Variants in PSMA6 observed in about 807,000 individuals in gnomAD.
The protein encoded by PSMA6 is proteasome 20S subunit alpha 6, also known as proteasome subunit alpha type-6.
For synonymous variants in PSMA6, 88 were observed against 97.7 expected (o/e 0.90, Z 0.59); for missense variants, 170 against 294.8 (o/e 0.58, Z 3.10).
chr14:35,312,783 A>G (rs1414636548), intron 4 of PSMA6, 98 bp from the exon 5 acceptor site: 2 of 1,139,660 alleles, frequency 1.8e-6, no homozygotes, highest in East Asian at 2.8e-5. Context: ...ATTGATGGCC[A>G]AAGTCATGAT....
At chr14:35,302,935 G>A (rs951501040) in intron 1 of PSMA6, among the ~76,000 whole-genome samples, 1 of 152,076 alleles carries the variant, frequency 6.6e-6, no homozygotes, top group African/African-American at 2.4e-5. Flanking sequence ...ATTGAGCATA[G>A]TTATAATGGT....
At chr14:35,278,834 TTGC>T in intron 1 of PSMA6, 1 of 1,247,472 alleles carries the variant, frequency 8.0e-7, no homozygotes, top group African/African-American at 1.5e-5. Context: ...GAATCCCAAG[TTGC>T]TTTTTTTTCT....
At chr14:35,303,978 T>C (rs1186610247) in intron 1 of PSMA6, among the ~76,000 whole-genome samples, 1 of 151,896 alleles carries the variant, frequency 6.6e-6, no homozygotes, top group Non-Finnish European at 1.5e-5. Flanking sequence ...AGATAATTTC[T>C]TTCTTTTTTT....
chr14:35,288,451 T>C (rs980005891), upstream of PSMA6, among the ~76,000 whole-genome samples: 1 of 152,138 alleles, frequency 6.6e-6, no homozygotes, highest in African/African-American at 2.4e-5. Context: ...TGAGCCGAGA[T>C]CGTGCCACTG....
In PSMA6 at chr14:35,297,119, G is replaced by GTTTT. The variant is rs924383407; in HGVS notation, c.76+4591_76+4594dup. Among the ~76,000 whole-genome samples the GTTTT allele has an allele frequency of 9.4e-4, 59 of 62,662 alleles. 1 individual carries two copies. The highest frequency in any genetic ancestry group is 1.4e-3 in the South Asian group (2 of 1,408). 41.1% of individuals were successfully genotyped at this position (62,662 alleles called of 152,430 possible). A position where few individuals can be genotyped will look rare whatever the true frequency, so the allele number is the denominator to read the frequency against. ...GTAGCTTCAAAAAAATCTTAACAAA[G>GTTTT]TTTTTTTTTTTTTTTTTTTTTTTTT... On this transcript the variant is annotated intron_variant, in intron 1 of 6. Coordinates refer to ENST00000261479, the MANE Select transcript of PSMA6 (RefSeq NM_002791.3).
intron 1 of PSMA6, among the ~76,000 whole-genome samples, chr14:35,303,018 A>G (rs1396978672): frequency 6.6e-6 from 1 of 152,172 alleles, no homozygotes; most frequent in Non-Finnish European, 1.5e-5. Flanking sequence ...ATTAAACACA[A>G]TATTCCTGGT....
chr14:35,297,632 T>TA (rs1466973719), intron 1 of PSMA6, among the ~76,000 whole-genome samples: 1 of 152,152 alleles, frequency 6.6e-6, no homozygotes, highest in African/African-American at 2.4e-5. Flanking sequence ...TAAACAAAAT[T>TA]ATGGGTGGAA....
At chr14:35,281,768 T>A (rs945482897) in intron 1 of PSMA6, among the ~76,000 whole-genome samples, 1 of 152,220 alleles carries the variant, frequency 6.6e-6, no homozygotes, top group Non-Finnish European at 1.5e-5. Context: ...AAAGAAATTT[T>A]TTTTTAAATT....
chr14:35,309,985 A>T (rs2051909687), intron 3 of PSMA6, among the ~76,000 whole-genome samples: 1 of 151,790 alleles, frequency 6.6e-6, no homozygotes, highest in South Asian at 2.1e-4. Flanking sequence ...AAGAAAAAAA[A>T]ATTAGCTGGT....
At chr14:35,313,116 T>A (rs1350850625) in intron 5 of PSMA6, 57 bp downstream of exon 5, 3 of 1,413,548 alleles carry the variant, frequency 2.1e-6, no homozygotes, top group Non-Finnish European at 2.8e-6. Context: ...GTGAGGATCT[T>A]TGTATAATTT....
chr14:35,317,181 C>A, intron 6 of PSMA6, 68 bp from the exon 7 acceptor site: 1 of 1,206,820 alleles, frequency 8.3e-7, no homozygotes, highest in Non-Finnish European at 1.2e-6. Context: ...ATTATACTAT[C>A]CCACTTTTAC....
chr14:35,281,550 C>T (rs1220573527), intron 1 of PSMA6, among the ~76,000 whole-genome samples: 1 of 152,118 alleles, frequency 6.6e-6, no homozygotes, highest in Non-Finnish European at 1.5e-5. Context: ...GAAGTAAGGG[C>T]CTCAGTGAGC....
intron 1 of PSMA6, among the ~76,000 whole-genome samples, chr14:35,306,960 A>G (rs1259620913): frequency 1.3e-5 from 2 of 152,126 alleles, no homozygotes; most frequent in Non-Finnish European, 2.9e-5. Context: ...CAGCCTGGCC[A>G]ACGTGGTGAA....
At chr14:35,279,053 G>T (rs1277925709) in intron 1 of PSMA6, among the ~76,000 whole-genome samples, 3 of 136,894 alleles carry the variant, frequency 2.2e-5, no homozygotes, top group South Asian at 2.4e-4. Flanking sequence ...ATTCTTTTTT[G>T]TGTGTGTGTT....
intron 1 of PSMA6, among the ~76,000 whole-genome samples, chr14:35,299,865 G>A (rs2051677560): frequency 6.6e-6 from 1 of 152,110 alleles, no homozygotes; most frequent in Non-Finnish European, 1.5e-5. Flanking sequence ...AGCTTGATGA[G>A]TACTAAATAG....
intron 1 of PSMA6, among the ~76,000 whole-genome samples, chr14:35,300,321 A>G (rs1046710800): frequency 2.0e-5 from 3 of 152,050 alleles, no homozygotes; most frequent in African/African-American, 7.2e-5. Context: ...ATATAAAATG[A>G]AATTAGCCAG....
chr14:35,290,146 G>A (rs1364634787), upstream of PSMA6, among the ~76,000 whole-genome samples: 1 of 152,076 alleles, frequency 6.6e-6, no homozygotes, highest in Non-Finnish European at 1.5e-5. Context: ...TATCCCATTG[G>A]CAATTAGAGA....
At chr14:35,292,919 A>G (rs1451825747) in intron 1 of PSMA6, 3 of 480,522 alleles carry the variant, frequency 6.2e-6, no homozygotes, top group Non-Finnish European at 1.2e-5. Context: ...CGTCTCAACT[A>G]AAATGCCTCC....
rs750331758 is a variant in PSMA6, at chr14:35,312,950, A to G, written c.479A>G (p.Tyr160Cys). The G allele has an allele frequency of 6.3e-7, 1 of 1,592,942 alleles. No homozygotes were observed. Among genetic ancestry groups the G allele is most frequent in the Non-Finnish European group, 8.5e-7 (1 of 1,172,898 alleles). The change falls in exon 5 of 7, where the codon TAC (tyrosine) becomes TGC (cysteine). Residue 160 changes from tyrosine to cysteine, a missense_variant. By Grantham distance (194) the Tyr-to-Cys change is radical (BLOSUM62 -2). Coordinates refer to ENST00000261479, the MANE Select transcript of PSMA6 (RefSeq NM_002791.3). ...QVYKCDPAGY[Y>C]CGFKATAAGV... The stretch of plus-strand genomic sequence containing the variant: ...TATAAGTGTGATCCTGCAGGTTACT[A>G]CTGTGGGTTTAAAGCCACTGCAGCG...
Sources: gnomAD v4.1 joint callset for allele counts (sites outside exome capture counted in the v4.1 genomes callset) on GRCh38, gnomAD v4.1.1 for gene constraint, MANE v1.5 for transcripts, NCBI Gene and HGNC (gene_info 2026-07-23, HGNC 2026-07-21) for gene names.